ZKSCAN7: variants seen among roughly 807,000 people sequenced by gnomAD.
ZKSCAN7 encodes zinc finger protein with KRAB and SCAN domains 7.
ZKSCAN7 carries 38 observed loss-of-function variants against 65.3 expected under a neutral mutation model. The ratio of observed to expected loss-of-function variants is 0.58; its 90% CI spans 0.45 to 0.76. ZKSCAN7 has a LOEUF of 0.76. Ranked by LOEUF, ZKSCAN7 falls within the 30% of genes least tolerant of loss-of-function variation. The pLI is 0.00. For synonymous variants in ZKSCAN7, 321 were observed against 321.0 expected, an observed-to-expected ratio of 1.00 and a Z score of 0.00; for missense variants, 815 against 913.3, an observed-to-expected ratio of 0.89 and a Z score of 1.39.
At chr3:44,568,134 G>A (rs6765468) in intron 4 of ZKSCAN7, 131 bp downstream of exon 4, 461,836 of 1,541,704 alleles carry the variant, frequency 0.3, 74,910 homozygotes, top group African/African-American at 0.42. Context: ...TACTTCCCCT[G>A]GAGGTAATGG....
chr3:44,578,431 G>A (rs1336367303), intron 5 of ZKSCAN7: 3 of 1,614,036 alleles, frequency 1.9e-6, no homozygotes, highest in Non-Finnish European at 2.5e-6. Flanking sequence ...CTGCAGCCAG[G>A]CGGTTGTTCA....
chr3:44,561,868 C>T lies in ZKSCAN7; in HGVS notation c.424-3619C>T, dbSNP rs573616515. ...CTGTGGCTCTGCAGGTTATAGCCCC[C>T]ATGGCTGCAGTCACCAACTGACATT... is the stretch of plus-strand genomic sequence containing the variant. On this transcript the variant is annotated intron_variant, in intron 2 of 5. Transcript: ENST00000426540. Among the ~76,000 whole-genome samples, 408 of 152,336 alleles carry T rather than the reference C, an allele frequency of 2.7e-3. 1 individual carries two copies. The highest frequency in any genetic ancestry group is 9.5e-3 in the African/African-American group (394 of 41,584).
chr3:44,578,615 C>T (rs186633448), intron 5 of ZKSCAN7, among the ~76,000 whole-genome samples: 13 of 152,298 alleles, frequency 8.5e-5, no homozygotes, highest in Middle Eastern at 3.4e-3. Flanking sequence ...CAGGTACTGG[C>T]GCCGCAGGGC....
chr3:44,582,907 CGTGTGTGTGT>C (rs4016043), intron 5 of ZKSCAN7: 5,901 of 348,912 alleles, frequency 0.017, 25 homozygotes, highest in East Asian at 0.055. Flanking sequence ...CATGAATATT[CGTGTGTGTGT>C]GTGTGTGTGT....
At chr3:44,576,509 C>G (rs1335827705), downstream of ZKSCAN7, among the ~76,000 whole-genome samples, 3 of 151,982 alleles carry the variant, frequency 2.0e-5, no homozygotes, top group African/African-American at 7.3e-5. Context: ...TTTCATTTCT[C>G]TTGAATTTTT....
chr3:44,571,490 C>A lies in ZKSCAN7; in HGVS notation c.*115C>A, dbSNP rs948264396. 6.3e-7 allele frequency: 1 copy of A among 1,587,866 alleles called. No homozygotes were observed. Among genetic ancestry groups the A allele is most frequent in the East Asian group, 2.2e-5 (1 of 44,678 alleles). On this transcript the variant is annotated 3_prime_UTR_variant, in exon 6 of 6. Transcript: ENST00000426540. ...GTCACGGTGGACCATTCCCTACTTG[C>A]TTTTCCTTGGATCACTAAGGTGGGA...
At chr3:44,576,207 AC>A (rs1699920342), downstream of ZKSCAN7, among the ~76,000 whole-genome samples, 1 of 152,148 alleles carries the variant, frequency 6.6e-6, no homozygotes, top group South Asian at 2.1e-4. Context: ...ATAAAGTTAC[AC>A]CTAGTATTCT....
At chr3:44,576,825 T>C (rs1699931870), downstream of ZKSCAN7, among the ~76,000 whole-genome samples, 1 of 152,220 alleles carries the variant, frequency 6.6e-6, no homozygotes, top group African/African-American at 2.4e-5. Flanking sequence ...TAGCTTTCTT[T>C]TTGGCTCAGC....
chr3:44,563,054 G>C (rs1699529368), intron 2 of ZKSCAN7, among the ~76,000 whole-genome samples: 1 of 151,798 alleles, frequency 6.6e-6, no homozygotes, highest in South Asian at 2.1e-4. Flanking sequence ...CAGATATCTA[G>C]AGCAGGGGCA....
intron 2 of ZKSCAN7, among the ~76,000 whole-genome samples, chr3:44,563,693 C>T (rs1699550360): frequency 6.6e-6 from 1 of 151,380 alleles, no homozygotes; most frequent in East Asian, 2.0e-4. Flanking sequence ...CACTGGGCCC[C>T]TCCTCCAATT....
At position 44,566,310 on chromosome 3, in the gene ZKSCAN7, G is replaced by C. The variant is rs532697591; in HGVS notation, c.592+655G>C. ...CAGGACCTTGAGATTGAGGCAGGAA[G>C]ATTTTGGGAGTCAGAGGATAATGTG... On this transcript the variant is annotated intron_variant, in intron 3 of 5. Coordinates refer to ENST00000426540, the MANE Select transcript of ZKSCAN7 (RefSeq NM_001288590.2). Among the ~76,000 whole-genome samples, 4 of 152,284 alleles carry C rather than the reference G, an allele frequency of 2.6e-5. No homozygotes were observed. The Middle Eastern group carries it at 0.014, about 518-fold the overall frequency.
At chr3:44,563,654 C>T (rs1196009527) in intron 2 of ZKSCAN7, among the ~76,000 whole-genome samples, 1 of 36,770 alleles carries the variant, frequency 2.7e-5, no homozygotes, top group East Asian at 8.1e-4. Context: ...TCCCCCCCTA[C>T]CCCCACCCCC....
Position 44,570,763 on chromosome 3 carries a change from T to G in ZKSCAN7, c.1653T>G (p.Tyr551Ter). ...GAATCCACACTGGGGAGAAGCCTTA[T>G]GAGTGTAGTGAATGTGGCAAAGCCT... ...HQRIHTGEKP[Y>*]ECSECGKAFS... The change falls in exon 6 of 6, where the codon TAT (tyrosine) becomes TAG (stop). Residue 551 changes from tyrosine to a stop codon, truncating the protein, a stop_gained. Coordinates refer to ENST00000426540, the MANE Select transcript of ZKSCAN7 (RefSeq NM_001288590.2). LOFTEE classifies it high-confidence loss of function. 1.2e-6 allele frequency: 2 copies of G among 1,614,208 alleles called. No homozygotes were observed. The highest frequency in any genetic ancestry group is 1.7e-6 in the Non-Finnish European group (2 of 1,180,038).
chr3:44,563,489 G>T (rs2125714319), intron 2 of ZKSCAN7, among the ~76,000 whole-genome samples: 1 of 152,256 alleles, frequency 6.6e-6, no homozygotes, highest in East Asian at 1.9e-4. Context: ...GAGGCCTCAG[G>T]AAACTTAAAA....
intron 1 of ZKSCAN7, among the ~76,000 whole-genome samples, chr3:44,555,921 G>C (rs1273659028): frequency 6.6e-6 from 1 of 152,208 alleles, no homozygotes; most frequent in Non-Finnish European, 1.5e-5. Context: ...AATTATGTGT[G>C]CCATGTGCAC....
chr3:44,557,079 T>G lies in ZKSCAN7; in HGVS notation c.32T>G (p.Leu11Arg), dbSNP rs1242698913. The change falls in exon 2 of 6, where the codon CTC (leucine) becomes CGC (arginine). Residue 11 changes from leucine to arginine, a missense_variant. Leu to Arg is a moderately radical substitution (Grantham distance 102). Around this residue, in one of 3 missense-constraint regions of ZKSCAN7, gnomAD observed 227 missense variants for 253.3 expected, o/e 0.90. Transcript: ENST00000426540. The part of the protein sequence containing the change: MTTAGRGNLG[L>R]IPRSTAFQKQ... ...ACTGCAGGCAGGGGAAATTTAGGCC[T>G]CATCCCCAGGAGCACTGCTTTCCAG... 6.2e-7 allele frequency: 1 copy of G among 1,614,226 alleles called. No homozygotes were observed. The highest frequency in any genetic ancestry group is 1.1e-5 in the South Asian group (1 of 91,082).
chr3:44,567,189 AGAAAG>A (rs1483446846), intron 3 of ZKSCAN7, among the ~76,000 whole-genome samples: 4 of 151,850 alleles, frequency 2.6e-5, no homozygotes, highest in Admixed American at 2.6e-4. Context: ...AAGAGAGAAA[AGAAAG>A]AGAGGGAGGG....
chr3:44,577,789 T>C (rs1218771538), intron 5 of ZKSCAN7, among the ~76,000 whole-genome samples: 1 of 152,196 alleles, frequency 6.6e-6, no homozygotes, highest in Non-Finnish European at 1.5e-5. Context: ...GAAGCCAGCC[T>C]CACGCATTCC....
At chr3:44,578,827 C>T (rs1699986414) in intron 5 of ZKSCAN7, among the ~76,000 whole-genome samples, 1 of 152,182 alleles carries the variant, frequency 6.6e-6, no homozygotes, top group African/African-American at 2.4e-5. Flanking sequence ...CAATCTTCTT[C>T]TGGTGCGTTT....
Sources: gnomAD v4.1 joint callset for allele counts (sites outside exome capture counted in the v4.1 genomes callset) on GRCh38, gnomAD v4.1.1 for gene constraint, gnomAD v4.1.1 regional missense constraint, MANE v1.5 for transcripts, NCBI Gene and HGNC (gene_info 2026-07-23, HGNC 2026-07-21) for gene names.